DLC1: variants seen among roughly 807,000 people sequenced by gnomAD.
DLC1 encodes the protein DLC1 Rho GTPase activating protein.
Under a neutral mutation model 140.3 loss-of-function variants are expected in DLC1, and 54 were observed. That is an observed-to-expected ratio of 0.38 (90% confidence interval 0.31 to 0.48). The LOEUF (loss-of-function observed/expected upper bound fraction) is 0.48. Ranked by LOEUF, DLC1 falls within the 20% of genes least tolerant of loss-of-function variation. The pLI is 0.96. For missense variants in DLC1, 2,536 were observed against 1,907.0 expected (o/e 1.33, Z -6.14); for synonymous variants, 986 against 728.1 (o/e 1.35, Z -5.70).
chr8:13,570,759 C>T (rs957644676), intron 1 of DLC1, among the ~76,000 whole-genome samples: 1 of 152,082 alleles, frequency 6.6e-6, no homozygotes, highest in Non-Finnish European at 1.5e-5. Flanking sequence ...CCCGCTTCTT[C>T]GTCGTCTTCA....
chr8:13,583,556 C>T (rs1427090578), intron 1 of DLC1, among the ~76,000 whole-genome samples: 2 of 152,142 alleles, frequency 1.3e-5, no homozygotes, highest in African/African-American at 4.8e-5. Flanking sequence ...TTGGAATCAA[C>T]TTTTTCCAAT....
intron 2 of DLC1, among the ~76,000 whole-genome samples, chr8:13,464,977 C>T (rs1799867159): frequency 6.6e-6 from 1 of 151,886 alleles, no homozygotes; most frequent in Admixed American, 6.6e-5. Flanking sequence ...GCTGATCTTC[C>T]CACCTCAGCC....
At chr8:13,467,441 C>A (rs936474132) in intron 2 of DLC1, among the ~76,000 whole-genome samples, 7 of 130,098 alleles carry the variant, frequency 5.4e-5, no homozygotes, top group African/African-American at 1.3e-4. Flanking sequence ...GTTCTAGTCT[C>A]TTCTTATATT....
intron 4 of DLC1, among the ~76,000 whole-genome samples, chr8:13,381,440 G>T (rs564801421): frequency 4.1e-4 from 62 of 152,330 alleles, no homozygotes; most frequent in African/African-American, 1.5e-3. Flanking sequence ...GTCTGGTAGA[G>T]TCCACTGTCA....
intron 5 of DLC1, among the ~76,000 whole-genome samples, chr8:13,230,357 C>T (rs563320946): frequency 6.6e-6 from 1 of 152,270 alleles, no homozygotes; most frequent in South Asian, 2.1e-4. Flanking sequence ...TTTGCTTTTG[C>T]TAGTTTATTA....
rs141608299 is a variant in DLC1 at position 13,104,015 on chromosome 8, G to A, written c.1503-1162C>T. On this transcript the variant is annotated intron_variant, in intron 7 of 17. Coordinates refer to ENST00000276297, the MANE Select transcript of DLC1 (RefSeq NM_182643.3). ...TAAAAAATTAGTTTTAGTTATCTCCGATGAATCATAATCTTGGACAGCCTG... is the reference window on the plus strand; with the variant it reads ...TAAAAAATTAGTTTTAGTTATCTCCAATGAATCATAATCTTGGACAGCCTG... 3.5e-3 allele frequency among the ~76,000 whole-genome samples: 535 copies of A among 152,152 alleles called. 1 individual carries two copies. The highest frequency in any genetic ancestry group is 0.012 in the African/African-American group (508 of 41,522).
chr8:13,554,487 T>C (rs1020844619), intron 1 of DLC1, among the ~76,000 whole-genome samples: 3 of 152,164 alleles, frequency 2.0e-5, no homozygotes, highest in Non-Finnish European at 4.4e-5. Flanking sequence ...ATCTCAGAGG[T>C]AAAATTTCCA....
At chr8:13,420,586 G>A (rs1008530514) in intron 2 of DLC1, among the ~76,000 whole-genome samples, 1 of 151,948 alleles carries the variant, frequency 6.6e-6, no homozygotes, top group African/African-American at 2.4e-5. Context: ...ACAGGCCCGG[G>A]TGTGTGATGT....
At chr8:13,386,875 C>T (rs1306173467) in intron 4 of DLC1, among the ~76,000 whole-genome samples, 2 of 151,948 alleles carry the variant, frequency 1.3e-5, no homozygotes, top group African/African-American at 4.8e-5. Flanking sequence ...TTCTAATAAA[C>T]AATGAGGATC....
At chr8:13,457,119 A>G (rs289543) in intron 2 of DLC1, among the ~76,000 whole-genome samples, 31,585 of 152,012 alleles carry the variant, frequency 0.21, 5,066 homozygotes, top group African/African-American at 0.45. Flanking sequence ...ATTTTTCTCA[A>G]ATGTGTCTGT....
chr8:13,221,964 A>G (rs561745925), intron 5 of DLC1, among the ~76,000 whole-genome samples: 1 of 145,142 alleles, frequency 6.9e-6, no homozygotes, highest in African/African-American at 2.5e-5. Flanking sequence ...TTTATATAAC[A>G]TATATAATTA....
chr8:13,452,994 T>C (rs775498008), intron 2 of DLC1, among the ~76,000 whole-genome samples: 1 of 152,094 alleles, frequency 6.6e-6, no homozygotes, highest in Non-Finnish European at 1.5e-5. Flanking sequence ...TTTTAATCTT[T>C]CAGAATGAGT....
intron 4 of DLC1, among the ~76,000 whole-genome samples, chr8:13,306,902 G>A (rs1832461455): frequency 6.6e-6 from 1 of 151,444 alleles, no homozygotes; most frequent in Non-Finnish European, 1.5e-5. Context: ...TGACTAGCAT[G>A]GTGAAACCCC....
chr8:13,112,690 G>C (rs1275255275), intron 6 of DLC1, among the ~76,000 whole-genome samples: 1 of 152,148 alleles, frequency 6.6e-6, no homozygotes, highest in African/African-American at 2.4e-5. Flanking sequence ...TTGTGACACT[G>C]TATTTTGCTT....
chr8:13,242,966 G>A (rs1208169252), intron 5 of DLC1, among the ~76,000 whole-genome samples: 1 of 151,932 alleles, frequency 6.6e-6, no homozygotes, highest in Non-Finnish European at 1.5e-5. Flanking sequence ...ATTGGATCAT[G>A]GGGTGGATTT....
chr8:13,399,720 C>A (rs1837213591), intron 3 of DLC1, among the ~76,000 whole-genome samples: 1 of 152,130 alleles, frequency 6.6e-6, no homozygotes, highest in Admixed American at 6.5e-5. Flanking sequence ...CTCCTTAAAC[C>A]TTTATCTCTA....
chr8:13,360,993 G>A (rs780746977), intron 4 of DLC1, among the ~76,000 whole-genome samples: 2 of 152,050 alleles, frequency 1.3e-5, no homozygotes, highest in Non-Finnish European at 2.9e-5. Context: ...TACTTGGGGA[G>A]GTTGAGGCGG....
chr8:13,242,388 C>T (rs1045958772), intron 5 of DLC1, among the ~76,000 whole-genome samples: 10 of 147,308 alleles, frequency 6.8e-5, no homozygotes, highest in Non-Finnish European at 1.0e-4. Context: ...AATATCTCCC[C>T]ATCAGTTTTT....
chr8:13,209,850 T>C (rs1827853542), intron 5 of DLC1, among the ~76,000 whole-genome samples: 1 of 152,130 alleles, frequency 6.6e-6, no homozygotes, highest in Non-Finnish European at 1.5e-5. Context: ...ATGCTTTCTG[T>C]ACAGCCTGCA....
Sources: allele counts gnomAD v4.1 joint callset (sites outside exome capture counted in the v4.1 genomes callset), GRCh38; gene constraint gnomAD v4.1.1; transcripts MANE v1.5; gene names NCBI Gene and HGNC (gene_info 2026-07-23, HGNC 2026-07-21).